The following GALNT16 variants were observed in gnomAD, a reference collection of about 807,000 sequenced individuals.
The protein encoded by GALNT16 is polypeptide N-acetylgalactosaminyltransferase 16.
GALNT16 carries 40 observed loss-of-function variants against 76.1 expected under a neutral mutation model. That is an observed-to-expected ratio of 0.53 (90% CI 0.41 to 0.68). GALNT16 has a LOEUF of 0.68. Ranked by LOEUF, GALNT16 falls within the 30% of genes least tolerant of loss-of-function variation. The pLI is 0.00. For synonymous variants in GALNT16, 276 were observed against 285.2 expected (o/e 0.97, Z 0.32); for missense variants, 621 against 731.9 (o/e 0.85, Z 1.75).
intron 1 of GALNT16, among the ~76,000 whole-genome samples, chr14:69,267,833 G>A (rs1387288421): frequency 1.3e-5 from 2 of 152,142 alleles, no homozygotes; most frequent in Non-Finnish European, 1.5e-5. Flanking sequence ...ACAGGATCTC[G>A]GCGGTCCCTA....
chr14:69,284,026 A>G (rs1302851966), intron 1 of GALNT16, among the ~76,000 whole-genome samples: 1 of 152,154 alleles, frequency 6.6e-6, no homozygotes. Context: ...GATTTGGCTC[A>G]TCCTTACCCA....
intron 1 of GALNT16, among the ~76,000 whole-genome samples, chr14:69,278,525 C>T (rs985137248): frequency 1.3e-5 from 2 of 152,298 alleles, no homozygotes; most frequent in Admixed American, 6.5e-5. Flanking sequence ...CACTATATCA[C>T]GAATACTCTT....
chr14:69,339,415 T>C, intron 10 of GALNT16, 112 bp from the exon 11 acceptor site: 1 of 750,920 alleles, frequency 1.3e-6, no homozygotes, highest in African/African-American at 1.7e-5. Flanking sequence ...AAGTATCACC[T>C]TGCTCCTGAG....
intron 1 of GALNT16, among the ~76,000 whole-genome samples, chr14:69,266,842 A>T (rs779478645): frequency 6.6e-6 from 1 of 152,224 alleles, no homozygotes; most frequent in Admixed American, 6.5e-5. Flanking sequence ...CCAGAAATCC[A>T]TAACTGCTGC....
intron 1 of GALNT16, among the ~76,000 whole-genome samples, chr14:69,285,102 A>G (rs7141058): frequency 0.57 from 84,224 of 147,110 alleles, 24,584 homozygotes; most frequent in South Asian, 0.76. Context: ...GTGGGGCAGC[A>G]AGATCTCGGC....
chr14:69,322,923 GGGGTGTGTGT>G (rs2045210048), intron 2 of GALNT16, among the ~76,000 whole-genome samples: 5 of 105,098 alleles, frequency 4.8e-5, no homozygotes, highest in African/African-American at 1.3e-4. Context: ...GGTGGCTCAC[GGGGTGTGTGT>G]GTGTGTGTGT....
chr14:69,336,144 C>G (rs1356172314), intron 9 of GALNT16, among the ~76,000 whole-genome samples: 1 of 152,126 alleles, frequency 6.6e-6, no homozygotes, highest in Non-Finnish European at 1.5e-5. Flanking sequence ...GAGTCTTGCT[C>G]TTATTGCCCA....
intron 3 of GALNT16, among the ~76,000 whole-genome samples, 161 bp downstream of exon 3, chr14:69,324,951 G>A (rs1203916562): frequency 1.3e-5 from 2 of 152,156 alleles, no homozygotes; most frequent in African/African-American, 4.8e-5. Flanking sequence ...GAAGACCCCA[G>A]AAGTCAAACT....
chr14:69,338,568 C>G lies in GALNT16; in HGVS notation c.968-83C>G, dbSNP rs1379812054. 1.9e-6 allele frequency: 3 copies of G among 1,571,780 alleles called. No individual in the cohort carries two copies. The African/African-American group carries it at 4.1e-5, about 21-fold the overall frequency. ...CCAACATGTACCTCCAGTGAGACAC[C>G]AAAGGGAAGGGAAGCCAGCCCCTTC... On this transcript the variant is annotated intron_variant, in intron 9 of 14. Coordinates refer to ENST00000448469, the MANE Select transcript of GALNT16 (RefSeq NM_001168368.2).
At chr14:69,322,993 CGCGCACGCAT>C (rs1566879868) in intron 2 of GALNT16, among the ~76,000 whole-genome samples, 19 of 38,668 alleles carry the variant, frequency 4.9e-4, no homozygotes, top group African/African-American at 4.5e-3. Context: ...CGCGCGCACG[CGCGCACGCAT>C]GCACACGTGT....
chr14:69,344,395 C>G (rs573020467), intron 12 of GALNT16, among the ~76,000 whole-genome samples: 388 of 152,338 alleles, frequency 2.5e-3, no homozygotes, highest in Non-Finnish European at 4.6e-3. Context: ...TCTAACAAAA[C>G]CAGTATGTCA....
chr14:69,286,976 G>A (rs185324345), intron 1 of GALNT16, among the ~76,000 whole-genome samples: 3 of 152,216 alleles, frequency 2.0e-5, no homozygotes, highest in African/African-American at 4.8e-5. Context: ...CACAGGACCC[G>A]TCTACCCCAG....
At chr14:69,327,462 T>C (rs922055785) in intron 5 of GALNT16, among the ~76,000 whole-genome samples, 9 of 152,228 alleles carry the variant, frequency 5.9e-5, no homozygotes, top group Admixed American at 1.3e-4. Flanking sequence ...AGTTAAATCC[T>C]TCCCAAGCCA....
At chr14:69,344,295 C>T (rs2045534476) in intron 12 of GALNT16, among the ~76,000 whole-genome samples, 1 of 152,276 alleles carries the variant, frequency 6.6e-6, no homozygotes, top group Admixed American at 6.5e-5. Context: ...GTGCGTTGCA[C>T]AAGCACACCA....
chr14:69,264,045 T>C (rs1594805954), intron 1 of GALNT16, among the ~76,000 whole-genome samples: 1 of 152,208 alleles, frequency 6.6e-6, no homozygotes, highest in East Asian at 1.9e-4. Flanking sequence ...GTGGTTGTTT[T>C]GGTTTGGGAC....
At chr14:69,322,890 CAAAAAAG>C (rs2045208912) in intron 2 of GALNT16, among the ~76,000 whole-genome samples, 1 of 147,524 alleles carries the variant, frequency 6.8e-6, no homozygotes, top group African/African-American at 2.5e-5. Context: ...GGCTCCGTCT[CAAAAAAG>C]AAAAAAGAAA....
intron 13 of GALNT16, among the ~76,000 whole-genome samples, chr14:69,347,593 G>T (rs1405268702): frequency 6.6e-6 from 1 of 152,192 alleles, no homozygotes; most frequent in African/African-American, 2.4e-5. Flanking sequence ...TCCATGTCTT[G>T]TCATTCTCTC....
At chr14:69,265,327 G>C (rs1410046800) in intron 1 of GALNT16, among the ~76,000 whole-genome samples, 2 of 152,192 alleles carry the variant, frequency 1.3e-5, no homozygotes, top group African/African-American at 4.8e-5. Flanking sequence ...GCTTCTGCAG[G>C]TCTTTTATTT....
downstream of GALNT16, among the ~76,000 whole-genome samples, chr14:69,361,619 G>A (rs2045724296): frequency 1.3e-5 from 2 of 152,124 alleles, no homozygotes; most frequent in Admixed American, 1.3e-4. Flanking sequence ...ATCCTTACAT[G>A]GCTGATTCTT....
Sources: allele counts gnomAD v4.1 joint callset (sites outside exome capture counted in the v4.1 genomes callset), GRCh38; gene constraint gnomAD v4.1.1; transcripts MANE v1.5; gene names NCBI Gene and HGNC (gene_info 2026-07-23, HGNC 2026-07-21).